KIAA1210: variants seen among roughly 807,000 people sequenced by gnomAD.
KIAA1210 encodes the protein KIAA1210.
A neutral mutation model predicts 78.9 loss-of-function variants in KIAA1210; 48 were observed. The ratio of observed to expected loss-of-function variants is 0.61; its 90% CI spans 0.48 to 0.77. KIAA1210 has a LOEUF of 0.77. Among genes scored for constraint, KIAA1210 ranks in the 30% least tolerant of loss-of-function variants. The pLI is 0.00. For synonymous variants in KIAA1210, 406 were observed against 404.5 expected (o/e 1.00, Z -0.04); for missense variants, 1,108 against 1,100.0 (o/e 1.01, Z -0.10).
At chrX:119,141,936 C>T (rs1336313475) in intron 2 of KIAA1210, among the ~76,000 whole-genome samples, 2 of 112,526 alleles carry the variant, frequency 1.8e-5, no homozygotes, top group Non-Finnish European at 3.8e-5. Flanking sequence ...CTCTCTGATC[C>T]AGTAGTTTCT....
At chrX:119,093,559 C>A in intron 8 of KIAA1210, 108 bp downstream of exon 8, 1 of 471,149 alleles carries the variant, frequency 2.1e-6, no homozygotes, top group Non-Finnish European at 3.3e-6. Flanking sequence ...TCTCTGAAGA[C>A]CAAGGGCAGC....
Position 119,088,007 on chromosome X carries a change from T to G in KIAA1210, c.2695A>C (p.Ser899Arg). The change falls in exon 9 of 12, where the codon AGT (serine) becomes CGT (arginine). Residue 899 changes from serine (S) to arginine (R), a missense_variant. Around this residue, in one of 5 missense-constraint regions of KIAA1210, gnomAD observed 179 missense variants for 174.1 expected, o/e 1.03. Transcript: ENST00000691062. ...DSMSTSAEWSSPVAPTPSKYT... is the reference protein window; with the variant it reads ...DSMSTSAEWSRPVAPTPSKYT... ...TTGGAAGGTGTTGGTGCCACAGGAC[T>G]GCTCCATTCTGCAGAAGTACTCATT... 1 of 1,210,862 alleles carries G rather than the reference T, an allele frequency of 8.3e-7. No homozygotes were observed. Among genetic ancestry groups the G allele is most frequent in the Non-Finnish European group, 1.1e-6 (1 of 895,165 alleles).
intron 2 of KIAA1210, among the ~76,000 whole-genome samples, chrX:119,142,774 CAAAAAAAAAAAAAA>C (rs11439597): frequency 7.7e-5 from 3 of 38,815 alleles, no homozygotes; most frequent in Non-Finnish European, 1.3e-4. Flanking sequence ...GACTCCATCT[CAAAAAAAAAAAAAA>C]AAAAAAAAAG....
chrX:119,101,421 A>T (rs1927733188), intron 6 of KIAA1210, among the ~76,000 whole-genome samples: 1 of 111,273 alleles, frequency 9.0e-6, no homozygotes, highest in South Asian at 3.9e-4. Context: ...TGAAACTGAC[A>T]CTGGGATGTT....
rs908157284 is a variant in KIAA1210, at chrX:119,116,411, G to C, written c.230+85C>G. ...CAGGTGGGGACTCTTGGTGTCCCTG[G>C]TGATTTGGCTGCCGAAAGGTGACCT... On this transcript the variant is annotated intron_variant, in intron 3 of 11. Transcript: ENST00000691062. 18 of 961,577 alleles carry C rather than the reference G, an allele frequency of 1.9e-5. No homozygotes were observed. In the African/African-American group the frequency reaches 2.9e-4, roughly 16 times the overall value. The allele number at this position is 961,577 out of a possible 1,213,427, so 79.2% of individuals were successfully genotyped here. A position where few individuals can be genotyped will look rare whatever the true frequency, so the allele number is the denominator to read the frequency against.
At chrX:119,149,327 A>C (rs1929238810) in intron 1 of KIAA1210, among the ~76,000 whole-genome samples, 1 of 111,470 alleles carries the variant, frequency 9.0e-6, no homozygotes, top group Admixed American at 9.5e-5. Flanking sequence ...ATCTTCGTTC[A>C]GTCAACAAGA....
rs774136429 is a variant in KIAA1210, at chrX:119,093,029, A to G, written c.955+638T>C. On this transcript the variant is annotated intron_variant, in intron 8 of 11. Coordinates refer to ENST00000691062, the MANE Select transcript of KIAA1210 (RefSeq NM_001394962.1). ...AAATACTGCTAGAAATCAGCTTGCC[A>G]TCAACTGGAGCCAACATCCACATAT... Among the ~76,000 whole-genome samples, 4 of 111,419 alleles carry G rather than the reference A, an allele frequency of 3.6e-5. No individual in the cohort carries two copies. The South Asian group carries it at 1.5e-3, about 42-fold the overall frequency.
rs769493264 is a variant in KIAA1210, at chrX:119,121,410, C to T, written c.61+2172G>A. On this transcript the variant is annotated intron_variant, in intron 2 of 11. Coordinates refer to ENST00000691062, the MANE Select transcript of KIAA1210 (RefSeq NM_001394962.1). Reference sequence around the variant, plus strand: ...ACAGCAGTTGCAGTCAGTGAGCTGACAGCTGAGAGCTGACAGCTGTCTGGA... The same window carrying T: ...ACAGCAGTTGCAGTCAGTGAGCTGATAGCTGAGAGCTGACAGCTGTCTGGA... 1.4e-4 allele frequency among the ~76,000 whole-genome samples: 16 copies of T among 111,806 alleles called. No homozygotes were observed. The South Asian group carries it at 6.1e-3, about 43-fold the overall frequency.
Position 119,086,846 on chromosome X carries a change from G to A in KIAA1210, c.3856C>T (p.Gln1286Ter). Residue 1286 changes from glutamine (Q) to a stop codon, truncating the protein, a stop_gained, in exon 9 of 12, where the codon CAG becomes TAG. Coordinates refer to ENST00000691062, the MANE Select transcript of KIAA1210 (RefSeq NM_001394962.1). LOFTEE classifies it high-confidence loss of function. ...DLESGDGNNN[Q>*]HANLSNQDDV... Reference sequence around the variant, plus strand: ...TCCTGATTGGATAGGTTTGCATGCTGGTTATTATTACCATCACCACTCTCA... The same window carrying A: ...TCCTGATTGGATAGGTTTGCATGCTAGTTATTATTACCATCACCACTCTCA... 8.3e-7 allele frequency: 1 copy of A among 1,211,487 alleles called. No individual in the cohort carries two copies. Among genetic ancestry groups the A allele is most frequent in the Admixed American group, 2.2e-5 (1 of 45,995 alleles).
At chrX:119,116,081 G>A (rs1928251506) in intron 3 of KIAA1210, among the ~76,000 whole-genome samples, 1 of 111,947 alleles carries the variant, frequency 8.9e-6, no homozygotes, top group South Asian at 3.7e-4. Flanking sequence ...TGAGAGCCAG[G>A]CAAGCAAACC....
At chrX:119,092,536 C>T (rs933061018) in intron 8 of KIAA1210, among the ~76,000 whole-genome samples, 22 of 111,392 alleles carry the variant, frequency 2.0e-4, no homozygotes, top group Non-Finnish European at 3.8e-4. Flanking sequence ...CCAAGGTGGG[C>T]AGATCACAAG....
chrX:119,148,133 C>A (rs764846002), intron 1 of KIAA1210, among the ~76,000 whole-genome samples: 5 of 111,070 alleles, frequency 4.5e-5, no homozygotes, highest in African/African-American at 9.8e-5. Flanking sequence ...GAGTGAGAGA[C>A]CCTGTTCAAA....
At chrX:119,126,794 G>A in intron 1 of KIAA1210, among the ~76,000 whole-genome samples, 1 of 112,542 alleles carries the variant, frequency 8.9e-6, no homozygotes, top group Admixed American at 9.4e-5. Flanking sequence ...CATCTGACTG[G>A]ACACAGTGGC....
intron 8 of KIAA1210, among the ~76,000 whole-genome samples, chrX:119,090,440 T>C (rs1434590371): frequency 9.0e-6 from 1 of 110,735 alleles, no homozygotes; most frequent in African/African-American, 3.3e-5. Flanking sequence ...TCCAGATAAC[T>C]TTTGTATTTT....
intron 6 of KIAA1210, among the ~76,000 whole-genome samples, chrX:119,099,087 A>G (rs753818362): frequency 7.1e-5 from 8 of 112,456 alleles, no homozygotes; most frequent in African/African-American, 2.3e-4. Flanking sequence ...GAATCTGGAA[A>G]CCCTAAAAGA....
chrX:119,095,577 G>A (rs973611481), intron 7 of KIAA1210, among the ~76,000 whole-genome samples: 26 of 110,746 alleles, frequency 2.3e-4, no homozygotes, highest in African/African-American at 1.6e-4. Context: ...TAGTAGAGAC[G>A]GGGTTTCTGC....
rs1185459197 is a variant in KIAA1210, at chrX:119,116,481, C to T, written c.230+15G>A. On this transcript the variant is annotated intron_variant, in intron 3 of 11. Transcript: ENST00000691062. ...TTCCCCTGTCCCCATCACTCTCCAC[C>T]GCATCTGAGCTCACCTGGCCTTAGT... The T allele has an allele frequency of 5.8e-6, 7 of 1,205,379 alleles. No individual in the cohort carries two copies. The highest frequency in any genetic ancestry group is 5.3e-5 in the African/African-American group (3 of 57,085).
Position 119,085,476 on chromosome X carries a change from C to T in KIAA1210, c.4227G>A (p.Lys1409=). 9 of 1,211,530 alleles carry T rather than the reference C, an allele frequency of 7.4e-6. No homozygotes were observed. The highest frequency in any genetic ancestry group is 1.0e-5 in the Non-Finnish European group (9 of 895,136). ...AAATGTGGGCCTTGAAACTCTTCTG[C>T]TTCTGCTTTGCCATAGTTATCCAAA... ...EPVWITMAKQ[K]QKSFKAHISV... Residue 1409 remains lysine, a synonymous_variant, in exon 10 of 12, where the codon AAG becomes AAA. Transcript: ENST00000691062.
At position 119,086,974 on chromosome X, in the gene KIAA1210, A is replaced by G. The variant is rs1927160790; in HGVS notation, c.3728T>C (p.Ile1243Thr). The G allele has an allele frequency of 8.3e-7, 1 of 1,209,471 alleles. No homozygotes were observed. Among genetic ancestry groups the G allele is most frequent in the African/African-American group, 1.8e-5 (1 of 57,032 alleles). Residue 1243 changes from isoleucine to threonine, a missense_variant, in exon 9 of 12, where the codon ATA becomes ACA. Physicochemically the swap from Ile to Thr is moderately conservative, Grantham distance 89. Around this residue, in one of 5 missense-constraint regions of KIAA1210, gnomAD observed 245 missense variants for 278.8 expected, o/e 0.88. Transcript: ENST00000691062. Reference sequence around the variant, plus strand: ...GGTAGCAGGGGCTGGAATGCTCTTTATGGGGTTTTTGGAACCTTGGCTGAA... The same window carrying G: ...GGTAGCAGGGGCTGGAATGCTCTTTGTGGGGTTTTTGGAACCTTGGCTGAA... ...KKFSQGSKNP[I>T]KSIPAPATKP...
Sources: allele counts gnomAD v4.1 joint callset (sites outside exome capture counted in the v4.1 genomes callset), GRCh38; gene constraint gnomAD v4.1.1; regional missense constraint gnomAD v4.1.1; transcripts MANE v1.5; gene names NCBI Gene and HGNC (gene_info 2026-07-23, HGNC 2026-07-21).